L3MBTL4: variants seen among roughly 807,000 people sequenced by gnomAD.
L3MBTL4 encodes L3MBTL histone methyl-lysine binding protein 4.
In L3MBTL4, 70 loss-of-function variants were observed where a neutral mutation model predicts 84.5. The observed-to-expected ratio is 0.83, with a 90% confidence interval of 0.68 to 1.01. The LOEUF (loss-of-function observed/expected upper bound fraction) is 1.01. Ranked by LOEUF, L3MBTL4 falls within the 50% of genes least tolerant of loss-of-function variation. The probability of loss-of-function intolerance (pLI) is 0.00; values close to 1 mark genes in which losing one functional copy is unlikely to be tolerated. For missense variants in L3MBTL4, 715 were observed against 754.8 expected (o/e 0.95, Z 0.62); for synonymous variants, 274 against 259.8 (o/e 1.05, Z -0.52).
At position 5,956,240 on chromosome 18, in the gene L3MBTL4, C is replaced by G. The variant is rs1201907056; in HGVS notation, c.1825G>C (p.Gly609Arg). The G allele has an allele frequency of 6.2e-7, 1 of 1,613,594 alleles. No homozygotes were observed. Among genetic ancestry groups the G allele is most frequent in the East Asian group, 2.2e-5 (1 of 44,894 alleles). The stretch of plus-strand genomic sequence containing the variant: ...CCCATTCATCCCCTGACTTCTTGGC[C>G]TGAGGCAATATCTTCTTCAGGGAGT... Reference protein sequence around the residue: ...QELPEEDIASGQEVRG With the variant: ...QELPEEDIASRQEVRG Residue 609 changes from glycine to arginine, a missense_variant, in exon 19 of 19, where the codon GGC (glycine) becomes CGC (arginine). Gly to Arg is a moderately radical substitution (Grantham distance 125, BLOSUM62 -2). Transcript: ENST00000317931.
intron 12 of L3MBTL4, among the ~76,000 whole-genome samples, chr18:6,200,810 A>C (rs1308532845): frequency 6.6e-6 from 1 of 152,236 alleles, no homozygotes; most frequent in Non-Finnish European, 1.5e-5. Context: ...CAATGAATTC[A>C]ATTTTCTATG....
chr18:6,178,884 C>A lies in L3MBTL4; in HGVS notation c.982-6942G>T, dbSNP rs2044341338. ...TTACTTCCCAATGCCCACAGTAGGA[C>A]TTGCCCTGAGCCCCTTAAATGTACC... On this transcript the variant is annotated intron_variant, in intron 12 of 18. Transcript: ENST00000317931. Among the ~76,000 whole-genome samples, 3 of 152,166 alleles carry A rather than the reference C, an allele frequency of 2.0e-5. No homozygotes were observed. The South Asian group carries it at 6.2e-4, about 32-fold the overall frequency.
In L3MBTL4 at chr18:6,243,318, T is replaced by C; in HGVS notation, c.436A>G (p.Lys146Glu). The C allele has an allele frequency of 6.3e-7, 1 of 1,598,576 alleles. No homozygotes were observed. Among genetic ancestry groups the C allele is most frequent in the Non-Finnish European group, 8.5e-7 (1 of 1,173,490 alleles). ...IHPVGWCEKT[K>E]HELHIPKGYR... Reference sequence around the variant, plus strand: ...CCCTTAGGGATGTGCAGTTCATGTTTGGTCTTTTCACACCATCCTACTGGA... The same window carrying C: ...CCCTTAGGGATGTGCAGTTCATGTTCGGTCTTTTCACACCATCCTACTGGA... The change falls in exon 7 of 19, where the codon AAA becomes GAA. Residue 146 changes from lysine to glutamate, a missense_variant. Lys to Glu is a moderately conservative substitution (Grantham distance 56). Coordinates refer to ENST00000317931, the MANE Select transcript of L3MBTL4 (RefSeq NM_001330559.2).
At chr18:5,973,978 TGAA>T (rs2052775044) in intron 16 of L3MBTL4, among the ~76,000 whole-genome samples, 1 of 152,172 alleles carries the variant, frequency 6.6e-6, no homozygotes, top group African/African-American at 2.4e-5. Context: ...CACCAGAAAA[TGAA>T]ATGTATATGT....
intron 1 of L3MBTL4, among the ~76,000 whole-genome samples, chr18:6,318,614 C>T (rs563530748): frequency 1.3e-4 from 20 of 150,646 alleles, no homozygotes; most frequent in African/African-American, 4.6e-4. Context: ...AACTCTGGAG[C>T]TCCCAGATTC....
At chr18:5,962,247 C>T (rs2095267171) in intron 17 of L3MBTL4, among the ~76,000 whole-genome samples, 1 of 152,116 alleles carries the variant, frequency 6.6e-6, no homozygotes, top group Non-Finnish European at 1.5e-5. Context: ...TCAGGAAGGT[C>T]ATCAGGAAGA....
intron 10 of L3MBTL4, among the ~76,000 whole-genome samples, chr18:6,218,134 G>T (rs908807448): frequency 1.2e-4 from 18 of 151,930 alleles, no homozygotes; most frequent in Admixed American, 1.1e-3. Flanking sequence ...AAGAGATGAG[G>T]TTTCTCTAGG....
At chr18:6,299,356 C>A (rs1423271856) in intron 4 of L3MBTL4, among the ~76,000 whole-genome samples, 1 of 152,126 alleles carries the variant, frequency 6.6e-6, no homozygotes, top group Non-Finnish European at 1.5e-5. Context: ...CATCAAGATT[C>A]TAGTTTTCTC....
intron 16 of L3MBTL4, among the ~76,000 whole-genome samples, chr18:5,975,171 G>C (rs539000704): frequency 5.9e-5 from 9 of 152,140 alleles, no homozygotes; most frequent in African/African-American, 1.9e-4. Flanking sequence ...CTTCACAAAA[G>C]CCTCACAAAA....
rs181762754 is a variant in L3MBTL4 at position 6,045,875 on chromosome 18, C to T, written c.1444+35006G>A. ...AACAACTTCGCAGTAGGATCAAAAT[C>T]TCATATATCAACATTAACCCTGAAT... is the stretch of plus-strand genomic sequence containing the variant. On this transcript the variant is annotated intron_variant, in intron 16 of 18. Transcript: ENST00000317931. 2.2e-3 allele frequency among the ~76,000 whole-genome samples: 342 copies of T among 152,274 alleles called. 4 individuals are homozygous for T. The highest frequency in any genetic ancestry group is 7.9e-3 in the African/African-American group (328 of 41,566).
At chr18:6,112,057 C>T (rs1332549079) in intron 14 of L3MBTL4, among the ~76,000 whole-genome samples, 1 of 152,150 alleles carries the variant, frequency 6.6e-6, no homozygotes, top group Non-Finnish European at 1.5e-5. Flanking sequence ...ATAAAGTGAG[C>T]TCATTCAGTA....
At chr18:5,972,105 T>G (rs563968603) in intron 16 of L3MBTL4, among the ~76,000 whole-genome samples, 1 of 152,310 alleles carries the variant, frequency 6.6e-6, no homozygotes, top group African/African-American at 2.4e-5. Context: ...CTACAGGCAC[T>G]TGCTGAGCTG....
At chr18:6,397,127 A>T (rs571796646) in intron 1 of L3MBTL4, 1 of 152,334 alleles carries the variant, frequency 6.6e-6, no homozygotes, top group Non-Finnish European at 1.5e-5. Flanking sequence ...GAGTGCAGCA[A>T]GCGGCCGCAC....
At chr18:6,039,848 T>G (rs760366775) in intron 16 of L3MBTL4, among the ~76,000 whole-genome samples, 2 of 152,304 alleles carry the variant, frequency 1.3e-5, no homozygotes, top group Non-Finnish European at 2.9e-5. Context: ...TACTGCTGAT[T>G]GAAATAAATA....
At chr18:6,075,734 C>T (rs902104475) in intron 16 of L3MBTL4, among the ~76,000 whole-genome samples, 2 of 152,024 alleles carry the variant, frequency 1.3e-5, no homozygotes, top group African/African-American at 2.4e-5. Flanking sequence ...AAATGGTAGA[C>T]TGGAGAAGAT....
chr18:6,262,630 T>A (rs1047770557), intron 5 of L3MBTL4, among the ~76,000 whole-genome samples: 2 of 152,074 alleles, frequency 1.3e-5, no homozygotes, highest in Admixed American at 1.3e-4. Context: ...ATTTAGTAGG[T>A]CTCAGGAAGA....
At chr18:6,252,785 G>A (rs1317096928) in intron 5 of L3MBTL4, among the ~76,000 whole-genome samples, 2 of 152,192 alleles carry the variant, frequency 1.3e-5, no homozygotes, top group Non-Finnish European at 2.9e-5. Flanking sequence ...GCAGCGGTGT[G>A]GGAAACTGAT....
At chr18:6,009,468 C>T (rs9947796) in intron 16 of L3MBTL4, among the ~76,000 whole-genome samples, 88,248 of 151,890 alleles carry the variant, frequency 0.58, 27,247 homozygotes, top group Non-Finnish European at 0.7. Flanking sequence ...CCAAAGTCCA[C>T]GGAGAAGTCA....
intron 14 of L3MBTL4, among the ~76,000 whole-genome samples, chr18:6,100,902 T>C (rs115912830): frequency 0.012 from 1,779 of 152,152 alleles, 34 homozygotes; most frequent in African/African-American, 0.037. Flanking sequence ...AGGCCCAGGC[T>C]CCCCATGTGA....
Sources: allele counts gnomAD v4.1 joint callset (sites outside exome capture counted in the v4.1 genomes callset), GRCh38; gene constraint gnomAD v4.1.1; transcripts MANE v1.5; gene names NCBI Gene and HGNC (gene_info 2026-07-23, HGNC 2026-07-21).